The following NDUFA10 variants were observed in gnomAD, a reference collection of about 807,000 sequenced individuals.
NDUFA10 encodes NADH dehydrogenase [ubiquinone] 1 alpha subcomplex subunit 10, mitochondrial.
Under a neutral mutation model 47.8 loss-of-function variants are expected in NDUFA10, and 40 were observed. The observed-to-expected ratio is 0.84, with a 90% confidence interval of 0.65 to 1.09. The LOEUF (loss-of-function observed/expected upper bound fraction) is 1.09, where lower values mean the gene tolerates loss of function less well. NDUFA10 is among the 50% of genes least tolerant of loss of function. The pLI, the probability that NDUFA10 is intolerant of heterozygous loss-of-function variation, is 0.00. For missense variants in NDUFA10, 413 were observed against 451.1 expected, an observed-to-expected ratio of 0.92 and a Z score of 0.76; for synonymous variants, 183 against 172.2, an observed-to-expected ratio of 1.06 and a Z score of -0.49.
intron 4 of NDUFA10, among the ~76,000 whole-genome samples, chr2:239,948,130 G>T (rs1024007513): frequency 6.6e-6 from 1 of 152,188 alleles, no homozygotes; most frequent in Non-Finnish European, 1.5e-5. Context: ...CAAGGTTCAG[G>T]ATTGTGTACA....
intron 4 of NDUFA10, among the ~76,000 whole-genome samples, chr2:239,912,484 G>A (rs1326055091): frequency 6.6e-6 from 1 of 152,236 alleles, no homozygotes; most frequent in East Asian, 1.9e-4. Flanking sequence ...CTGGAGCCAG[G>A]CGAGAGTAGC....
At chr2:239,927,296 A>G (rs1186174008) in intron 4 of NDUFA10, among the ~76,000 whole-genome samples, 1 of 152,212 alleles carries the variant, frequency 6.6e-6, no homozygotes, top group African/African-American at 2.4e-5. Flanking sequence ...TTTAAGGTAA[A>G]TGTTATTATA....
intron 3 of NDUFA10, among the ~76,000 whole-genome samples, chr2:240,019,130 T>A (rs1238989448): frequency 6.6e-6 from 1 of 152,178 alleles, no homozygotes. Flanking sequence ...CCCTGCTGTG[T>A]CTGGGCAGAG....
intron 8 of NDUFA10, among the ~76,000 whole-genome samples, chr2:240,003,645 A>C (rs1696820765): frequency 6.6e-6 from 1 of 152,258 alleles, no homozygotes; most frequent in Admixed American, 6.5e-5. Context: ...ACTTCTCATT[A>C]CAAAATCATC....
intron 8 of NDUFA10, among the ~76,000 whole-genome samples, chr2:239,994,656 T>C (rs1696394995): frequency 6.6e-6 from 1 of 152,158 alleles, no homozygotes; most frequent in South Asian, 2.1e-4. Context: ...AAAAACTGCC[T>C]TCCATGAAAC....
At chr2:239,985,651 C>T (rs754251574) in intron 9 of NDUFA10, among the ~76,000 whole-genome samples, 7 of 151,918 alleles carry the variant, frequency 4.6e-5, no homozygotes, top group Non-Finnish European at 1.0e-4. Flanking sequence ...GTGGCAAGAG[C>T]GATACAGACA....
chr2:239,904,742 G>T (rs1693615940), intron 4 of NDUFA10, among the ~76,000 whole-genome samples: 1 of 152,206 alleles, frequency 6.6e-6, no homozygotes, highest in South Asian at 2.1e-4. Context: ...ACATCAGGCG[G>T]GGTGCTTACA....
At chr2:240,018,781 A>G in intron 3 of NDUFA10, 142 bp from the exon 4 acceptor site, 1 of 996,154 alleles carries the variant, frequency 1.0e-6, no homozygotes, top group Non-Finnish European at 1.5e-6. Context: ...GAACATAGAC[A>G]TATTTGTAAG....
intron 4 of NDUFA10, among the ~76,000 whole-genome samples, chr2:239,951,871 AG>A (rs1694559504): frequency 6.6e-6 from 1 of 152,240 alleles, no homozygotes; most frequent in Admixed American, 6.5e-5. Context: ...GGCAGCGGGA[AG>A]GACAGTGGGA....
intron 4 of NDUFA10, among the ~76,000 whole-genome samples, chr2:239,937,358 A>G (rs1694282303): frequency 1.3e-5 from 2 of 152,326 alleles, no homozygotes; most frequent in South Asian, 4.1e-4. Flanking sequence ...ATGCCCATGG[A>G]CAGTCACTGC....
chr2:239,930,772 A>T (rs1349423843), intron 4 of NDUFA10, among the ~76,000 whole-genome samples: 2 of 151,492 alleles, frequency 1.3e-5, no homozygotes, highest in East Asian at 2.0e-4. Context: ...GGGTACAGCG[A>T]GCTCAGGAGG....
At chr2:240,021,550 T>C in intron 2 of NDUFA10, 138 bp from the exon 3 acceptor site, 1 of 759,226 alleles carries the variant, frequency 1.3e-6, no homozygotes. Context: ...GAAAGTCACC[T>C]ACATGCCTGG....
chr2:239,927,074 G>C (rs567656578), intron 4 of NDUFA10, among the ~76,000 whole-genome samples: 5 of 152,248 alleles, frequency 3.3e-5, no homozygotes, highest in African/African-American at 1.2e-4. Context: ...CACAACACAT[G>C]GGGATTATGG....
chr2:239,930,607 G>A lies in NDUFA10; in HGVS notation c.295-35293C>T, dbSNP rs186290966. On this transcript the variant is annotated intron_variant, in intron 4 of 5. Coordinates refer to the NDUFA10 transcript ENST00000419408. ...CTCTACAGACTCACAGGTGGCACCC[G>A]GCCAATCAGTGGTGAGCACCAGGAA... Among the ~76,000 whole-genome samples the A allele has an allele frequency of 1.0e-3, 155 of 152,134 alleles. 1 individual carries two copies. Among genetic ancestry groups the A allele is most frequent in the Admixed American group, 9.8e-3 (149 of 15,276 alleles).
chr2:239,975,680 G>A (rs1258205636), intron 9 of NDUFA10, among the ~76,000 whole-genome samples: 1 of 152,286 alleles, frequency 6.6e-6, no homozygotes, highest in Non-Finnish European at 1.5e-5. Flanking sequence ...TTCAGCCTCA[G>A]TCTCTCTGCT....
At chr2:239,997,031 AT>A (rs1435521003) in intron 8 of NDUFA10, among the ~76,000 whole-genome samples, 1 of 152,012 alleles carries the variant, frequency 6.6e-6, no homozygotes, top group African/African-American at 2.4e-5. Flanking sequence ...GTTATACTGT[AT>A]TTTTACATTT....
chr2:240,017,794 C>A, intron 4 of NDUFA10: 1 of 1,544,694 alleles, frequency 6.5e-7, no homozygotes, highest in Non-Finnish European at 8.8e-7. Context: ...GAAGCAGGCG[C>A]CTCCTCCACA....
chr2:239,992,710 C>A (rs1696301431), intron 8 of NDUFA10, among the ~76,000 whole-genome samples: 2 of 152,118 alleles, frequency 1.3e-5, no homozygotes, highest in African/African-American at 4.8e-5. Flanking sequence ...TGGACTGAAA[C>A]CAGCCCAAGC....
At chr2:239,903,193 G>T (rs907817262) in intron 4 of NDUFA10, among the ~76,000 whole-genome samples, 1 of 152,112 alleles carries the variant, frequency 6.6e-6, no homozygotes, top group Non-Finnish European at 1.5e-5. Context: ...CTGGTGAGAC[G>T]TGCGCTCCTT....
Sources: gnomAD v4.1 joint callset for allele counts (sites outside exome capture counted in the v4.1 genomes callset) on GRCh38, gnomAD v4.1.1 for gene constraint, MANE v1.5 for transcripts, NCBI Gene and HGNC (gene_info 2026-07-23, HGNC 2026-07-21) for gene names.